PIK3R6: variants seen among roughly 807,000 people sequenced by gnomAD.
The protein encoded by PIK3R6 is phosphoinositide-3-kinase regulatory subunit 6, also known as phosphoinositide 3-kinase regulatory subunit 6.
Under a neutral mutation model 84.9 loss-of-function variants are expected in PIK3R6, and 91 were observed. That is an observed-to-expected ratio of 1.07 (90% CI 0.90 to 1.28). The LOEUF is 1.28. Among genes scored for constraint, PIK3R6 ranks in the 50% most tolerant of loss-of-function variants. PIK3R6 has a pLI of 0.00. For missense variants in PIK3R6, 996 were observed against 985.1 expected, an observed-to-expected ratio of 1.01 and a Z score of -0.15; for synonymous variants, 416 against 411.4, an observed-to-expected ratio of 1.01 and a Z score of -0.13.
rs577072208 is a variant in PIK3R6 at position 8,836,823 on chromosome 17, G to A, written c.359C>T (p.Ala120Val). 13 of 1,603,210 alleles carry A rather than the reference G, an allele frequency of 8.1e-6. No individual in the cohort carries two copies. The highest frequency in any genetic ancestry group is 5.1e-5 in the Admixed American group (3 of 58,260). Residue 120 changes from alanine to valine, a missense_variant, in exon 6 of 20, where the codon GCG (alanine) becomes GTG (valine). Transcript: ENST00000619866. ...AGCCATCTCCGTTTTCAGCCTTATC[G>A]CGCAGTCCAAGGCGACTGTGCAGTA... ...TPYCTVALDC[A>V]IRLKTEMAVP...
chr17:8,866,401 G>T (rs1165890662), intron 1 of PIK3R6, among the ~76,000 whole-genome samples: 1 of 152,070 alleles, frequency 6.6e-6, no homozygotes, highest in African/African-American at 2.4e-5. Flanking sequence ...AATTAGCCAG[G>T]CGTGGTGGTG....
rs990205508 is a variant in PIK3R6, at chr17:8,862,812, A to T, written c.-92+4717T>A. 1.3e-5 allele frequency among the ~76,000 whole-genome samples: 2 copies of T among 152,120 alleles called. No individual in the cohort carries two copies. Among genetic ancestry groups the T allele is most frequent in the African/African-American group, 4.8e-5 (2 of 41,416 alleles). ...AGTCAGCAAGACTCCTGGCAGCCAAAATAGGCAGCGGGAAAGTGGCTGAGG... is the reference window on the plus strand; with the variant it reads ...AGTCAGCAAGACTCCTGGCAGCCAATATAGGCAGCGGGAAAGTGGCTGAGG... On this transcript the variant is annotated intron_variant, in intron 1 of 19. Coordinates refer to ENST00000619866, the MANE Select transcript of PIK3R6 (RefSeq NM_001010855.4). The surrounding 1 kb of genome is among the most constrained non-coding windows in gnomAD (Gnocchi z 4.3).
In PIK3R6 at chr17:8,832,798, A is replaced by C. The variant is rs146327918; in HGVS notation, c.802+91T>G. 5,523 of 1,569,744 alleles carry C rather than the reference A, an allele frequency of 3.5e-3. 170 individuals carry two copies. The African/African-American group carries it at 0.066, about 19-fold the overall frequency. On this transcript the variant is annotated intron_variant, in intron 9 of 19. Coordinates refer to ENST00000619866, the MANE Select transcript of PIK3R6 (RefSeq NM_001010855.4). ...GTCGGCCAGGCACCCAGACAGAGGC[A>C]GGTCCAGCGCTGCTCTCTGGCGCCC...
Position 8,827,151 on chromosome 17 carries a change from GGT to G in PIK3R6, c.1515+19_1515+20del, listed in dbSNP as rs754244219. On this transcript the variant is annotated intron_variant, in intron 13 of 19. Transcript: ENST00000619866. ...CACTCCCGTCCCTCTCTCCCTCCCT[GGT>G]ACCCTCACCCTCCCCTACCATCTCA... The G allele has an allele frequency of 3.0e-5, 48 of 1,610,818 alleles. No individual in the cohort carries two copies. The South Asian group carries it at 5.2e-4, about 17-fold the overall frequency.
intron 10 of PIK3R6, 110 bp downstream of exon 10, chr17:8,829,596 A>T: frequency 7.2e-6 from 8 of 1,114,768 alleles, no homozygotes; most frequent in Non-Finnish European, 9.1e-6. Flanking sequence ...ACACACACTC[A>T]TGCATACACA....
chr17:8,827,348 T>C (rs2087956560), intron 12 of PIK3R6, 54 bp from the exon 13 acceptor site: 3 of 1,532,728 alleles, frequency 2.0e-6, no homozygotes, highest in East Asian at 2.5e-5. Context: ...AGCTCTGCCT[T>C]CCAGCTGCCA....
intron 15 of PIK3R6, 58 bp downstream of exon 15, chr17:8,822,938 G>A (rs952853360): frequency 7.3e-7 from 1 of 1,371,230 alleles, no homozygotes; most frequent in South Asian, 1.2e-5. Flanking sequence ...GTGGAAGGAT[G>A]AGAGTTTGGA....
chr17:8,861,280 T>C (rs190374292), intron 1 of PIK3R6, among the ~76,000 whole-genome samples: 1 of 152,170 alleles, frequency 6.6e-6, no homozygotes, highest in African/African-American at 2.4e-5. Context: ...AAAAGTTAAT[T>C]GCAGAATGTC....
chr17:8,865,884 G>T (rs1472926959), intron 1 of PIK3R6, among the ~76,000 whole-genome samples: 1 of 151,896 alleles, frequency 6.6e-6, no homozygotes, highest in Admixed American at 6.6e-5. Context: ...GGGTGGGGGT[G>T]GGGGAGCATT....
intron 10 of PIK3R6, among the ~76,000 whole-genome samples, chr17:8,829,299 C>G (rs200958418): frequency 2.0e-5 from 3 of 148,350 alleles, no homozygotes; most frequent in Non-Finnish European, 3.0e-5. Flanking sequence ...CATGCATACA[C>G]ACACACTGAC....
At position 8,803,855 on chromosome 17, in the gene PIK3R6, C is replaced by G. The variant is rs1030573837; in HGVS notation, c.2108+186G>C. 2 of 610,322 alleles carry G rather than the reference C, an allele frequency of 3.3e-6. No individual in the cohort carries two copies. The highest frequency in any genetic ancestry group is 5.8e-5 in the Admixed American group (2 of 34,212). 37.8% of individuals were successfully genotyped at this position (610,322 alleles called of 1,614,324 possible). A position where few individuals can be genotyped will look rare whatever the true frequency, so the allele number is the denominator to read the frequency against. On this transcript the variant is annotated intron_variant, in intron 19 of 19. Coordinates refer to ENST00000619866, the MANE Select transcript of PIK3R6 (RefSeq NM_001010855.4). This position sits in a 1 kb window ranked among gnomAD's most constrained non-coding sequence, Gnocchi z 5.0. ...CCCTGGGTATGCCATTCATTTGCCTCGACTTCCTGGATCCAAAGCATAGGG... is the reference window on the plus strand; with the variant it reads ...CCCTGGGTATGCCATTCATTTGCCTGGACTTCCTGGATCCAAAGCATAGGG...
rs2088033189 is a variant in PIK3R6 at position 8,828,586 on chromosome 17, G to C, written c.1294C>G (p.Gln432Glu). 1 of 1,612,666 alleles carries C rather than the reference G, an allele frequency of 6.2e-7. No individual in the cohort carries two copies. Among genetic ancestry groups the C allele is most frequent in the African/African-American group, 1.3e-5 (1 of 74,910 alleles). ...CCCCACCTGAGTCTGTGGTAGGCCT[G>C]GGCCAGGCGCCCCAGCATCCTGTCA... Reference protein sequence around the residue: ...GDDRMLGRLAQAYHRLRKRET... With the variant: ...GDDRMLGRLAEAYHRLRKRET... Residue 432 changes from glutamine (Q) to glutamate (E), a missense_variant, in exon 11 of 20, where the codon CAG (glutamine) becomes GAG (glutamate). By Grantham distance (29) the Gln-to-Glu change is conservative. Transcript: ENST00000619866.
Position 8,867,513 on chromosome 17 carries a change from C to A in PIK3R6, c.-92+16G>T. Reference sequence around the variant, plus strand: ...GATCTGCCTGCCTGGCGATCTCCATCCAAGCCAGCACTTACCTTGGTTCGG... The same window carrying A: ...GATCTGCCTGCCTGGCGATCTCCATACAAGCCAGCACTTACCTTGGTTCGG... On this transcript the variant is annotated intron_variant, in intron 1 of 19. Coordinates refer to ENST00000619866, the MANE Select transcript of PIK3R6 (RefSeq NM_001010855.4). 2.3e-6 allele frequency: 1 copy of A among 441,886 alleles called. No homozygotes were observed. The highest frequency in any genetic ancestry group is 4.6e-6 in the Non-Finnish European group (1 of 217,110). 27.4% of individuals were successfully genotyped at this position (441,886 alleles called of 1,614,324 possible). A position where few individuals can be genotyped will look rare whatever the true frequency, so the allele number is the denominator to read the frequency against.
At position 8,844,988 on chromosome 17, in the gene PIK3R6, A is replaced by G. The variant is rs1018304256; in HGVS notation, c.13+4794T>C. Among the ~76,000 whole-genome samples the G allele has an allele frequency of 1.3e-5, 2 of 152,160 alleles. No individual in the cohort carries two copies. The highest frequency in any genetic ancestry group is 4.8e-5 in the African/African-American group (2 of 41,426). On this transcript the variant is annotated intron_variant, in intron 2 of 19. Transcript: ENST00000619866. The surrounding 1 kb of genome is among the most constrained non-coding windows in gnomAD (Gnocchi z 4.5). ...AGCTTCCAGCTCCATCCATATTGCA[A>G]CGAAGGATATGATTTCGTTCTTTTT...
Position 8,823,018 on chromosome 17 carries a change from G to A in PIK3R6, c.1695C>T (p.Ile565=). 1.2e-6 allele frequency: 2 copies of A among 1,609,418 alleles called. No individual in the cohort carries two copies. The highest frequency in any genetic ancestry group is 1.7e-6 in the Non-Finnish European group (2 of 1,175,782). Residue 565 remains isoleucine (I), a synonymous_variant, in exon 15 of 20, where the codon ATC becomes ATT. Coordinates refer to ENST00000619866, the MANE Select transcript of PIK3R6 (RefSeq NM_001010855.4). ...TACCTTTGGGGAATTTAGAATCTTG[G>A]ATCTTCACCTTCAGTTCAATGAGGA... The part of the protein sequence containing the change: ...DIFLIELKVK[I]QDSKFPKDGF...
chr17:8,836,594 G>T lies in PIK3R6; in HGVS notation c.414C>A (p.Val138=). 1 of 1,613,982 alleles carries T rather than the reference G, an allele frequency of 6.2e-7. No homozygotes were observed. The highest frequency in any genetic ancestry group is 8.5e-7 in the Non-Finnish European group (1 of 1,179,908). ...AVPGTLYQRM[V]IAEQNLTNEL... is the part of the protein sequence containing the mutation. ...CATTCGTCAAGTTCTGTTCGGCAAT[G>T]ACCATCCTTTGGTACAGTGTCCCTG... The change falls in exon 7 of 20, where the codon GTC becomes GTA. Residue 138 remains valine, a synonymous_variant. Transcript: ENST00000619866.
chr17:8,849,968 A>C, intron 1 of PIK3R6, 83 bp from the exon 2 acceptor site: 1 of 760,660 alleles, frequency 1.3e-6, no homozygotes, highest in South Asian at 2.3e-5. Flanking sequence ...CTCCTAAGGG[A>C]CCTAGGCTTC....
intron 1 of PIK3R6, among the ~76,000 whole-genome samples, chr17:8,858,552 G>A (rs895258319): frequency 6.6e-6 from 1 of 152,024 alleles, no homozygotes; most frequent in Non-Finnish European, 1.5e-5. Flanking sequence ...CCTGACCTCA[G>A]GTGATCCACC....
At chr17:8,834,994 C>T (rs1016999387) in intron 8 of PIK3R6, among the ~76,000 whole-genome samples, 17 of 152,196 alleles carry the variant, frequency 1.1e-4, no homozygotes, top group South Asian at 4.1e-4. Flanking sequence ...CCCGCCACCA[C>T]GGCCAGTTAG....
Sources: allele counts gnomAD v4.1 joint callset (sites outside exome capture counted in the v4.1 genomes callset), GRCh38; gene constraint gnomAD v4.1.1; non-coding constraint Gnocchi (gnomAD v3.1); transcripts MANE v1.5; gene names NCBI Gene and HGNC (gene_info 2026-07-23, HGNC 2026-07-21).